Variants in SLC35F5 observed in about 807,000 individuals in gnomAD.
SLC35F5 encodes the protein HCV NS5A-transactivated protein 3.
In SLC35F5, 54 loss-of-function variants were observed where a neutral mutation model predicts 68.6. The ratio of observed to expected loss-of-function variants is 0.79; its 90% CI spans 0.63 to 0.99. SLC35F5 has a LOEUF of 0.99. SLC35F5 is among the 50% of genes least tolerant of loss of function. SLC35F5 has a pLI of 0.00. For synonymous variants in SLC35F5, 211 were observed against 205.2 expected (o/e 1.03, Z -0.24); for missense variants, 567 against 626.9 (o/e 0.90, Z 1.02).
chr2:113,753,297 G>C (rs1054484194), intron 3 of SLC35F5, among the ~76,000 whole-genome samples: 3 of 143,536 alleles, frequency 2.1e-5, no homozygotes, highest in Non-Finnish European at 3.0e-5. Context: ...TCCTGCCTCA[G>C]CCTCCAGAGT....
intron 11 of SLC35F5, among the ~76,000 whole-genome samples, chr2:113,727,644 G>T (rs1166324604): frequency 6.6e-6 from 1 of 152,104 alleles, no homozygotes; most frequent in Non-Finnish European, 1.5e-5. Context: ...CAATCATTCA[G>T]ATCTACTCAC....
At chr2:113,723,280 A>T in intron 12 of SLC35F5, 86 bp from the exon 13 acceptor site, 1 of 790,320 alleles carries the variant, frequency 1.3e-6, no homozygotes, top group East Asian at 3.1e-5. Context: ...CCTATAATAT[A>T]GGCCTGTGAG....
At position 113,712,126 on chromosome 2, in the gene SLC35F5, A is replaced by C. The variant is rs906304215; in HGVS notation, c.*3092T>G. On this transcript the variant is annotated 3_prime_UTR_variant, in exon 16 of 16. Transcript: ENST00000245680. ...CATTTAACCTTGTGAGCTCACTTCTACAAGAACAATGAACTTATTTGTCAG... is the reference window on the plus strand; with the variant it reads ...CATTTAACCTTGTGAGCTCACTTCTCCAAGAACAATGAACTTATTTGTCAG... Among the ~76,000 whole-genome samples, 4 of 152,212 alleles carry C rather than the reference A, an allele frequency of 2.6e-5. No homozygotes were observed. The highest frequency in any genetic ancestry group is 9.6e-5 in the African/African-American group (4 of 41,454).
chr2:113,725,262 T>A lies in SLC35F5; in HGVS notation c.1250+116A>T, dbSNP rs1459485517. ...AGTGGAGTTAAAGTATTCAGTTGTATGTGTGTTGCAGAATGGGGTGCACAG... is the reference window on the plus strand; with the variant it reads ...AGTGGAGTTAAAGTATTCAGTTGTAAGTGTGTTGCAGAATGGGGTGCACAG... On this transcript the variant is annotated intron_variant, in intron 12 of 15. Transcript: ENST00000245680. 5 of 873,696 alleles carry A rather than the reference T, an allele frequency of 5.7e-6. No homozygotes were observed. In the African/African-American group the frequency reaches 8.6e-5, roughly 15 times the overall value. The allele number at this position is 873,696 out of a possible 1,614,324, so 54.1% of individuals were successfully genotyped here.
chr2:113,738,161 T>A (rs1688161356), intron 7 of SLC35F5, among the ~76,000 whole-genome samples: 1 of 152,166 alleles, frequency 6.6e-6, no homozygotes. Flanking sequence ...GTAAAGAATA[T>A]AGTACTGTTA....
rs954097624 is a variant in SLC35F5 at position 113,731,590 on chromosome 2, T to C, written c.979A>G (p.Thr327Ala). The C allele has an allele frequency of 1.9e-6, 3 of 1,612,040 alleles. No homozygotes were observed. Among genetic ancestry groups the C allele is most frequent in the South Asian group, 2.2e-5 (2 of 91,050 alleles). The change falls in exon 10 of 16, where the codon ACA (threonine) becomes GCA (alanine). Residue 327 changes from threonine to alanine, a missense_variant. Coordinates refer to ENST00000245680, the MANE Select transcript of SLC35F5 (RefSeq NM_025181.5). ...TCCAGAGTCCAGTACTTACCTACTGTGTCTCTTCCAGCAGGTTTTTCAGAC... is the reference window on the plus strand; with the variant it reads ...TCCAGAGTCCAGTACTTACCTACTGCGTCTCTTCCAGCAGGTTTTTCAGAC... ...AGSEKPAGRD[T>A]VGSIWSLAGA...
chr2:113,715,165 T>C lies in SLC35F5; in HGVS notation c.*53A>G, dbSNP rs952885931. ...TTTTCTACAAAAACTTGCCAGAGAT[T>C]GTCTCTTCGCTGTATAGTTCCATTA... is the stretch of plus-strand genomic sequence containing the variant. On this transcript the variant is annotated 3_prime_UTR_variant, in exon 16 of 16. Coordinates refer to ENST00000245680, the MANE Select transcript of SLC35F5 (RefSeq NM_025181.5). 5.3e-5 allele frequency: 8 copies of C among 152,322 alleles called. No homozygotes were observed. The highest frequency in any genetic ancestry group is 1.7e-4 in the African/African-American group (7 of 41,580). 9.4% of individuals were successfully genotyped at this position (152,322 alleles called of 1,614,324 possible). A position where few individuals can be genotyped will look rare whatever the true frequency, so the allele number is the denominator to read the frequency against.
intron 11 of SLC35F5, among the ~76,000 whole-genome samples, chr2:113,729,031 C>A (rs1235595595): frequency 1.3e-5 from 2 of 152,214 alleles, no homozygotes; most frequent in Non-Finnish European, 1.5e-5. Context: ...TCTCCCCAGT[C>A]CTTTGCTAAC....
At chr2:113,729,312 A>AG in intron 11 of SLC35F5, 89 bp downstream of exon 11, 1 of 625,414 alleles carries the variant, frequency 1.6e-6, no homozygotes, top group Non-Finnish European at 2.8e-6. Context: ...AGAAAAAAAA[A>AG]GGCTTCCCTA....
intron 3 of SLC35F5, among the ~76,000 whole-genome samples, chr2:113,753,326 C>A (rs1490887048): frequency 2.0e-5 from 3 of 151,594 alleles, no homozygotes; most frequent in Non-Finnish European, 4.4e-5. Context: ...TTACAGGCAC[C>A]CACCACCACA....
chr2:113,742,541 C>T, intron 7 of SLC35F5, 151 bp downstream of exon 7: 5 of 705,820 alleles, frequency 7.1e-6, no homozygotes, highest in East Asian at 2.7e-5. Flanking sequence ...ATTTTGATAC[C>T]CTAACTTCCT....
chr2:113,715,747 T>C (rs1181664231), intron 15 of SLC35F5, among the ~76,000 whole-genome samples: 1 of 152,138 alleles, frequency 6.6e-6, no homozygotes, highest in Admixed American at 6.6e-5. Flanking sequence ...AGTGTTGTTA[T>C]GTTATAATGT....
At chr2:113,721,721 G>A (rs35573387) in intron 13 of SLC35F5, among the ~76,000 whole-genome samples, 7,508 of 152,016 alleles carry the variant, frequency 0.049, 262 homozygotes, top group Non-Finnish European at 0.076. Context: ...GATGAAGAAG[G>A]GCCTAGATAT....
chr2:113,717,490 T>C (rs532994679), intron 15 of SLC35F5: 28 of 245,510 alleles, frequency 1.1e-4, no homozygotes, highest in Non-Finnish European at 1.3e-4. Flanking sequence ...TTACCAAGTA[T>C]TTACTATTTT....
At chr2:113,706,482 A>G (rs1686801324), downstream of SLC35F5, among the ~76,000 whole-genome samples, 1 of 152,202 alleles carries the variant, frequency 6.6e-6, no homozygotes. Flanking sequence ...TTTTGGAGGA[A>G]AAGTTCAATG....
In SLC35F5 at chr2:113,708,261, A is replaced by T. The variant is rs1202779024; in HGVS notation, c.*6957T>A. Among the ~76,000 whole-genome samples, 1 of 152,230 alleles carries T rather than the reference A, an allele frequency of 6.6e-6. No individual in the cohort carries two copies. The highest frequency in any genetic ancestry group is 1.5e-5 in the Non-Finnish European group (1 of 68,042). ...CAGTCTAGATGGCTGGGGAAAGGTA[A>T]AAGAACCCCGGTTGTGATTATTTTT... On this transcript the variant is annotated 3_prime_UTR_variant, in exon 16 of 16. Coordinates refer to ENST00000245680, the MANE Select transcript of SLC35F5 (RefSeq NM_025181.5).
In SLC35F5 at chr2:113,750,542, T is replaced by C; in HGVS notation, c.300A>G (p.Pro100=). The part of the protein sequence containing the change: ...TSYVFTQYNK[P]FFSTFAKTSM... ...ATGTTTTTGCAAAGGTGCTGAAGAA[T>C]GGTTTGTTGTACTGGGTAAAAACAT... Residue 100 remains proline (P), a synonymous_variant, in exon 4 of 16, where the codon CCA becomes CCG. Transcript: ENST00000245680. The C allele has an allele frequency of 6.2e-7, 1 of 1,612,082 alleles. No homozygotes were observed. The highest frequency in any genetic ancestry group is 8.5e-7 in the Non-Finnish European group (1 of 1,179,070).
rs1559351925 is a variant in SLC35F5, at chr2:113,742,745, CCA to C, written c.695_696del (p.Val232GlyfsTer12). 5 of 1,614,020 alleles carry C rather than the reference CCA, an allele frequency of 3.1e-6. No homozygotes were observed. The highest frequency in any genetic ancestry group is 4.2e-6 in the Non-Finnish European group (5 of 1,179,982). ...VKEQESILKT[V>X]GKLTATQVAK... The stretch of plus-strand genomic sequence containing the variant: ...GCTACTTGAGTTGCAGTAAGTTTCC[CCA>C]CAGTTTTCAGTATGGATTCTTGTTC... On this transcript the variant is annotated frameshift_variant, in exon 7 of 16. Coordinates refer to ENST00000245680, the MANE Select transcript of SLC35F5 (RefSeq NM_025181.5). LOFTEE classifies it high-confidence loss of function.
intron 1 of SLC35F5, chr2:113,756,009 T>C (rs1306374089): frequency 7.3e-6 from 11 of 1,510,632 alleles, no homozygotes. Context: ...TCTCTTCAAG[T>C]GGTAAAAGAA....
Sources: gnomAD v4.1 joint callset for allele counts (sites outside exome capture counted in the v4.1 genomes callset) on GRCh38, gnomAD v4.1.1 for gene constraint, MANE v1.5 for transcripts, NCBI Gene and HGNC (gene_info 2026-07-23, HGNC 2026-07-21) for gene names.